PCDHGA7: variants seen among roughly 807,000 people sequenced by gnomAD.
PCDHGA7 encodes the protein protocadherin gamma subfamily A, 7.
In PCDHGA7, 44 loss-of-function variants were observed where a neutral mutation model predicts 58.3. That is an observed-to-expected ratio of 0.75 (90% CI 0.59 to 0.97). The LOEUF is 0.97. Among genes scored for constraint, PCDHGA7 ranks in the 50% least tolerant of loss-of-function variants. The pLI is 0.00. For synonymous variants in PCDHGA7, 516 were observed against 504.2 expected (o/e 1.02, Z -0.31); for missense variants, 1,266 against 1,188.7 (o/e 1.06, Z -0.96).
intron 1 of PCDHGA7, among the ~76,000 whole-genome samples, chr5:141,466,815 A>G (rs1019952491): frequency 1.3e-5 from 2 of 152,182 alleles, no homozygotes; most frequent in Non-Finnish European, 2.9e-5. Flanking sequence ...CAGACATGGT[A>G]TAACAAGTTA....
chr5:141,450,006 C>CTATTTTTTT (rs70988802), intron 1 of PCDHGA7, among the ~76,000 whole-genome samples: 8 of 132,970 alleles, frequency 6.0e-5, no homozygotes, highest in African/African-American at 8.4e-5. Context: ...TGCCATGTCT[C>CTATTTTTTT]TTTTTTTTTT....
At chr5:141,498,318 G>T (rs927950671) in intron 2 of PCDHGA7, among the ~76,000 whole-genome samples, 2 of 151,792 alleles carry the variant, frequency 1.3e-5, no homozygotes, top group African/African-American at 4.8e-5. Flanking sequence ...TGCCTACACA[G>T]AAGGAAGAGC....
chr5:141,431,355 C>T lies in PCDHGA7; in HGVS notation c.2424+46032C>T. 1 of 1,614,054 alleles carries T rather than the reference C, an allele frequency of 6.2e-7. No homozygotes were observed. Among genetic ancestry groups the T allele is most frequent in the South Asian group, 1.1e-5 (1 of 91,082 alleles). ...TACCCCGAATTGGTGCTGAAACGCG[C>T]CCTGGACCGCGAAGAAAAGGCTGCT... On this transcript the variant is annotated intron_variant, in intron 1 of 3. Transcript: ENST00000518325. The surrounding 1 kb of genome is among the most constrained non-coding windows in gnomAD (Gnocchi z 4.8).
chr5:141,504,763 C>G (rs1057360921), intron 2 of PCDHGA7, among the ~76,000 whole-genome samples: 5 of 152,018 alleles, frequency 3.3e-5, no homozygotes, highest in African/African-American at 1.2e-4. Context: ...AATTTCTTCT[C>G]CCTGCTCCAG....
intron 1 of PCDHGA7, chr5:141,418,309 G>A (rs756375907): frequency 6.2e-7 from 1 of 1,614,008 alleles, no homozygotes; most frequent in South Asian, 1.1e-5. Flanking sequence ...GCCTGGGGAT[G>A]GGAACAATTC....
At chr5:141,405,488 C>A in intron 1 of PCDHGA7, 1 of 895,936 alleles carries the variant, frequency 1.1e-6, no homozygotes, top group Non-Finnish European at 1.7e-6. Context: ...GGTGTGATCT[C>A]GGCTCATTGC....
chr5:141,422,987 A>AG, intron 1 of PCDHGA7: 1 of 1,614,168 alleles, frequency 6.2e-7, no homozygotes. Context: ...GAACCTGGCT[A>AG]CCTGGTGACC....
At position 141,415,039 on chromosome 5, in the gene PCDHGA7, G is replaced by T. The variant is rs761101620; in HGVS notation, c.2424+29716G>T. ...CAAGGCCAGCGAGCCGGGACTCTTC[G>T]CGGTGGGGGAGCACACGGGCGAGGT... On this transcript the variant is annotated intron_variant, in intron 1 of 3. Transcript: ENST00000518325. The T allele has an allele frequency of 3.1e-6, 5 of 1,613,342 alleles. No homozygotes were observed. The highest frequency in any genetic ancestry group is 3.4e-6 in the Non-Finnish European group (4 of 1,179,934).
chr5:141,421,291 G>C, intron 1 of PCDHGA7: 1 of 1,613,364 alleles, frequency 6.2e-7, no homozygotes, highest in Middle Eastern at 1.6e-4. Context: ...CATTTTCCTG[G>C]GGACGCTGCG....
chr5:141,389,124 C>A, intron 1 of PCDHGA7: 1 of 1,613,996 alleles, frequency 6.2e-7, no homozygotes, highest in Non-Finnish European at 8.5e-7. Flanking sequence ...CGAGCAGAAT[C>A]CAGAGTACAA....
chr5:141,409,552 A>G, intron 1 of PCDHGA7: 8 of 1,613,962 alleles, frequency 5.0e-6, no homozygotes, highest in Non-Finnish European at 6.8e-6. Flanking sequence ...ACAACGCCCC[A>G]GTTTTCGACC....
chr5:141,489,913 A>G lies in PCDHGA7; in HGVS notation c.2425-4894A>G. 1 of 1,614,208 alleles carries G rather than the reference A, an allele frequency of 6.2e-7. No homozygotes were observed. Among genetic ancestry groups the G allele is most frequent in the Non-Finnish European group, 8.5e-7 (1 of 1,180,044 alleles). Reference sequence around the variant, plus strand: ...TGGGGGGACCCCAGCCCGCTCAGGGACCACCCTTATCTCTGTCATCGTGCT... The same window carrying G: ...TGGGGGGACCCCAGCCCGCTCAGGGGCCACCCTTATCTCTGTCATCGTGCT... On this transcript the variant is annotated intron_variant, in intron 1 of 3. Transcript: ENST00000518325. The surrounding 1 kb of genome is among the most constrained non-coding windows in gnomAD (Gnocchi z 4.5).
At chr5:141,419,974 C>T (rs368697962) in intron 1 of PCDHGA7, 3 of 1,613,962 alleles carry the variant, frequency 1.9e-6, no homozygotes, top group Non-Finnish European at 2.5e-6. Context: ...TCTTTCTCCT[C>T]GCGGTGATTC....
intron 1 of PCDHGA7, chr5:141,427,221 T>C (rs1312743800): frequency 2.2e-6 from 1 of 456,628 alleles, no homozygotes; most frequent in Non-Finnish European, 4.4e-6. Context: ...TCGTAGCAGT[T>C]ATACCATGAG....
intron 1 of PCDHGA7, chr5:141,414,994 T>C (rs1390374290): frequency 3.7e-6 from 6 of 1,613,626 alleles, no homozygotes; most frequent in Non-Finnish European, 4.2e-6. Flanking sequence ...CCAGAACGCC[T>C]GGCTGTCCTA....
intron 1 of PCDHGA7, chr5:141,412,602 T>G (rs1239898248): frequency 6.6e-6 from 1 of 152,188 alleles, no homozygotes; most frequent in African/African-American, 2.4e-5. Flanking sequence ...CTAAATAAAA[T>G]TGGCCTATTC....
chr5:141,423,071 C>T, intron 1 of PCDHGA7: 2 of 1,614,120 alleles, frequency 1.2e-6, no homozygotes, highest in South Asian at 1.1e-5. Flanking sequence ...GCCAGCGAGC[C>T]GGGACTCTTC....
chr5:141,478,049 A>G, intron 1 of PCDHGA7: 2 of 1,614,056 alleles, frequency 1.2e-6, no homozygotes, highest in Middle Eastern at 3.3e-4. Flanking sequence ...GCAGACTCTC[A>G]CGGTCTTGAT....
chr5:141,494,898 T>C, intron 2 of PCDHGA7, 33 bp downstream of exon 2: 1 of 1,614,074 alleles, frequency 6.2e-7, no homozygotes, highest in Non-Finnish European at 8.5e-7. Flanking sequence ...CACCCTCTTC[T>C]CTGCGGCATT....
Sources: allele counts gnomAD v4.1 joint callset (sites outside exome capture counted in the v4.1 genomes callset), GRCh38; gene constraint gnomAD v4.1.1; non-coding constraint Gnocchi (gnomAD v3.1); transcripts MANE v1.5; gene names NCBI Gene and HGNC (gene_info 2026-07-23, HGNC 2026-07-21).